SAMD8: variants seen among roughly 807,000 people sequenced by gnomAD.
The protein encoded by SAMD8 is sphingomyelin synthase-related protein 1.
A neutral mutation model predicts 42.0 loss-of-function variants in SAMD8; 20 were observed. That is an observed-to-expected ratio of 0.48 (90% CI 0.34 to 0.69). The LOEUF (loss-of-function observed/expected upper bound fraction) is 0.69, where lower values mean the gene tolerates loss of function less well. Ranked by LOEUF, SAMD8 falls within the 30% of genes least tolerant of loss-of-function variation. SAMD8 has a pLI of 0.01. For missense variants in SAMD8, 328 were observed against 511.6 expected (o/e 0.64, Z 3.46); for synonymous variants, 162 against 173.0 (o/e 0.94, Z 0.50).
intron 1 of SAMD8, 132 bp from the exon 2 acceptor site, chr10:75,150,382 A>G: frequency 1.4e-6 from 2 of 1,423,482 alleles, no homozygotes. Context: ...TCAGCCTCCC[A>G]AAGTGCTGGG....
At chr10:75,158,348 T>C (rs989896501) in intron 2 of SAMD8, among the ~76,000 whole-genome samples, 2 of 152,120 alleles carry the variant, frequency 1.3e-5, no homozygotes, top group African/African-American at 4.8e-5. Flanking sequence ...TCCCAGCACT[T>C]TGGGAGGCCG....
upstream of SAMD8, chr10:75,108,986 C>T (rs1203173246): frequency 6.3e-7 from 1 of 1,583,706 alleles, no homozygotes; most frequent in Admixed American, 1.7e-5. Context: ...CACCCCCATG[C>T]CCCTTGGCCA....
At chr10:75,125,476 C>T (rs1391947486) in intron 1 of SAMD8, among the ~76,000 whole-genome samples, 5 of 151,980 alleles carry the variant, frequency 3.3e-5, no homozygotes, top group Admixed American at 2.6e-4. Flanking sequence ...ATTAGCCCAG[C>T]GTTGTGGTGC....
intron 2 of SAMD8, among the ~76,000 whole-genome samples, chr10:75,157,598 GA>G (rs1429994405): frequency 2.6e-5 from 4 of 152,172 alleles, no homozygotes; most frequent in African/African-American, 4.8e-5. Flanking sequence ...GCTTGAGGAG[GA>G]AGGATGAGAT....
chr10:75,146,315 G>A (rs1374805829), intron 1 of SAMD8, among the ~76,000 whole-genome samples: 4 of 114,528 alleles, frequency 3.5e-5, no homozygotes, highest in African/African-American at 1.1e-4. Context: ...ACAGAGTTTC[G>A]CTCTTGTTGC....
chr10:75,164,796 A>G (rs1840637896), intron 3 of SAMD8, 56 bp downstream of exon 3: 2 of 1,235,124 alleles, frequency 1.6e-6, no homozygotes, highest in Non-Finnish European at 2.4e-6. Flanking sequence ...TATCAAGATC[A>G]TAAAATCTTA....
intron 1 of SAMD8, among the ~76,000 whole-genome samples, chr10:75,127,811 C>G (rs1849179064): frequency 6.6e-6 from 1 of 152,196 alleles, no homozygotes; most frequent in Non-Finnish European, 1.5e-5. Flanking sequence ...GACATTTTAA[C>G]TCAGAAAGGA....
At chr10:75,167,188 G>C (rs946113840) in intron 3 of SAMD8, among the ~76,000 whole-genome samples, 2 of 152,124 alleles carry the variant, frequency 1.3e-5, no homozygotes, top group Non-Finnish European at 2.9e-5. Flanking sequence ...GTGTTTTATA[G>C]CTTAAGTTTA....
intron 2 of SAMD8, among the ~76,000 whole-genome samples, chr10:75,157,984 A>C (rs1220875241): frequency 6.6e-6 from 1 of 151,720 alleles, no homozygotes. Flanking sequence ...ACATGGAGAA[A>C]CCGCATCTCT....
In SAMD8 at chr10:75,104,001, G is replaced by C. The variant is rs147263330; in HGVS notation, c.-16+4273G>C. On this transcript the variant is annotated intron_variant, in intron 1 of 3. Coordinates refer to the SAMD8 transcript ENST00000447533. Reference sequence around the variant, plus strand: ...CCACGCTGGGCTTCCACCATCTTCTGTGTGTCCGCCTGGGCCAGAGCCTCC... The same window carrying C: ...CCACGCTGGGCTTCCACCATCTTCTCTGTGTCCGCCTGGGCCAGAGCCTCC... The C allele has an allele frequency of 2.1e-4, 288 of 1,356,308 alleles. 1 individual carries two copies. In the African/African-American group the frequency reaches 4.0e-3, roughly 19 times the overall value. 84.0% of individuals were successfully genotyped at this position (1,356,308 alleles called of 1,614,324 possible).
intron 2 of SAMD8, among the ~76,000 whole-genome samples, chr10:75,154,296 C>T (rs1341510404): frequency 6.6e-6 from 1 of 152,174 alleles, no homozygotes; most frequent in Non-Finnish European, 1.5e-5. Context: ...TTACTGAAAG[C>T]TGTTTAAGAA....
intron 1 of SAMD8, among the ~76,000 whole-genome samples, chr10:75,103,262 C>G (rs1437658866): frequency 4.6e-5 from 7 of 152,226 alleles, no homozygotes; most frequent in Non-Finnish European, 8.8e-5. Context: ...GTCCGGGGCC[C>G]TCAGTTAGGG....
At position 75,150,903 on chromosome 10, in the gene SAMD8, C is replaced by T; in HGVS notation, c.375C>T (p.Asp125=). Residue 125 remains aspartate, a synonymous_variant, in exon 2 of 6, where the codon GAC becomes GAT. Coordinates refer to ENST00000542569, the MANE Select transcript of SAMD8 (RefSeq NM_001174156.2). ...ATGACTGTGACGGACCCATAACTGA[C>T]TTGAATTCTGATCAGTACCAGTACA... ...LSHDCDGPIT[D]LNSDQYQYMN... 1.2e-6 allele frequency: 2 copies of T among 1,612,134 alleles called. No individual in the cohort carries two copies. Among genetic ancestry groups the T allele is most frequent in the East Asian group, 2.2e-5 (1 of 44,860 alleles).
intron 1 of SAMD8, among the ~76,000 whole-genome samples, chr10:75,117,434 G>C (rs1213012316): frequency 6.6e-6 from 1 of 151,472 alleles, no homozygotes; most frequent in Non-Finnish European, 1.5e-5. Context: ...AAAAAAAAAG[G>C]GTGGGCGTGA....
Position 75,104,151 on chromosome 10 carries a change from G to C in SAMD8, c.-16+4423G>C, listed in dbSNP as rs116736959. On this transcript the variant is annotated intron_variant, in intron 1 of 3. Transcript: ENST00000447533. Reference sequence around the variant, plus strand: ...GGCAGGTGAACCAAGGCCCAGGCTGGCTGGGACTTGTTGGGGCAGGGATAA... The same window carrying C: ...GGCAGGTGAACCAAGGCCCAGGCTGCCTGGGACTTGTTGGGGCAGGGATAA... The C allele has an allele frequency of 2.1e-3, 2,618 of 1,248,568 alleles. 41 individuals are homozygous for C. The African/African-American group carries it at 0.037, about 17-fold the overall frequency. The allele number at this position is 1,248,568 out of a possible 1,614,324, so 77.3% of individuals were successfully genotyped here.
In SAMD8 at chr10:75,176,906, T is replaced by C. The variant is rs1412838169; in HGVS notation, c.*214T>C. On this transcript the variant is annotated 3_prime_UTR_variant, in exon 6 of 6. Coordinates refer to ENST00000542569, the MANE Select transcript of SAMD8 (RefSeq NM_001174156.2). This position sits in a 1 kb window ranked among gnomAD's most constrained non-coding sequence, Gnocchi z 4.3. ...TTGAACAGAAAGCTTAAGTAGATGT[T>C]TTCTGCCCCTTCTCTTTAGGAAGAC... 1 of 483,966 alleles carries C rather than the reference T, an allele frequency of 2.1e-6. No individual in the cohort carries two copies. Among genetic ancestry groups the C allele is most frequent in the African/African-American group, 2.0e-5 (1 of 51,046 alleles). 30.0% of individuals were successfully genotyped at this position (483,966 alleles called of 1,614,324 possible).
chr10:75,147,966 T>C (rs1455705328), intron 1 of SAMD8, among the ~76,000 whole-genome samples: 1 of 152,208 alleles, frequency 6.6e-6, no homozygotes, highest in East Asian at 1.9e-4. Flanking sequence ...GTTAAGAGTT[T>C]TTGTTATTCC....
intron 1 of SAMD8, among the ~76,000 whole-genome samples, chr10:75,112,021 T>G (rs909672747): frequency 4.0e-5 from 6 of 151,132 alleles, no homozygotes; most frequent in Non-Finnish European, 8.9e-5. Flanking sequence ...AGCTGCGCAG[T>G]GGGGGAAAAA....
In SAMD8 at chr10:75,176,849, G is replaced by A; in HGVS notation, c.*157G>A. 1.6e-6 allele frequency: 1 copy of A among 607,552 alleles called. No individual in the cohort carries two copies. The allele number at this position is 607,552 out of a possible 1,614,324, so 37.6% of individuals were successfully genotyped here. On this transcript the variant is annotated 3_prime_UTR_variant, in exon 6 of 6. Coordinates refer to ENST00000542569, the MANE Select transcript of SAMD8 (RefSeq NM_001174156.2). This position sits in a 1 kb window ranked among gnomAD's most constrained non-coding sequence, Gnocchi z 4.3. Reference sequence around the variant, plus strand: ...GCAAAGTTATGATTATAAAAAGCAAGAAAGAACAATCAAGAGTCCTTATGT... The same window carrying A: ...GCAAAGTTATGATTATAAAAAGCAAAAAAGAACAATCAAGAGTCCTTATGT...
Sources: allele counts gnomAD v4.1 joint callset (sites outside exome capture counted in the v4.1 genomes callset), GRCh38; gene constraint gnomAD v4.1.1; non-coding constraint Gnocchi (gnomAD v3.1); transcripts MANE v1.5; gene names NCBI Gene and HGNC (gene_info 2026-07-23, HGNC 2026-07-21).